Variants in NDST4 observed in about 807,000 individuals in gnomAD.
NDST4 encodes the protein N-heparan sulfate sulfotransferase 4.
Under a neutral mutation model 100.8 loss-of-function variants are expected in NDST4, and 63 were observed. The ratio of observed to expected loss-of-function variants is 0.62; its 90% CI spans 0.51 to 0.77. The LOEUF (loss-of-function observed/expected upper bound fraction) is 0.77. NDST4 is among the 30% of genes least tolerant of loss of function. The pLI, the probability that NDST4 is intolerant of heterozygous loss-of-function variation, is 0.00. For missense variants in NDST4, 943 were observed against 1,018.4 expected (o/e 0.93, Z 1.01); for synonymous variants, 377 against 361.8 (o/e 1.04, Z -0.48).
intron 6 of NDST4, among the ~76,000 whole-genome samples, chr4:114,906,078 C>A (rs569294049): frequency 1.3e-5 from 2 of 151,754 alleles, no homozygotes; most frequent in Admixed American, 6.6e-5. Context: ...AAATGATGAA[C>A]CTTGGGATCA....
chr4:115,031,236 G>C (rs1484346943), intron 2 of NDST4, among the ~76,000 whole-genome samples: 1 of 152,064 alleles, frequency 6.6e-6, no homozygotes, highest in African/African-American at 2.4e-5. Flanking sequence ...ACCTGTTGTT[G>C]TTGTTGTCAT....
At chr4:114,882,009 G>A (rs1190437033) in intron 6 of NDST4, among the ~76,000 whole-genome samples, 52 of 151,884 alleles carry the variant, frequency 3.4e-4, no homozygotes, top group Admixed American at 3.4e-3. Flanking sequence ...AATGTCAAGG[G>A]AGTATTCTGA....
At chr4:114,883,460 T>A (rs539141820) in intron 6 of NDST4, among the ~76,000 whole-genome samples, 1 of 152,032 alleles carries the variant, frequency 6.6e-6, no homozygotes, top group Non-Finnish European at 1.5e-5. Context: ...GAATATATAA[T>A]TGATGTGCTA....
intron 2 of NDST4, among the ~76,000 whole-genome samples, chr4:115,075,063 A>G (rs1729151271): frequency 6.6e-6 from 1 of 152,110 alleles, no homozygotes. Flanking sequence ...TTTAGTAGCA[A>G]TCACAGGCTG....
At chr4:114,848,431 A>T in intron 8 of NDST4, 93 bp from the exon 9 acceptor site, 1 of 991,312 alleles carries the variant, frequency 1.0e-6, no homozygotes, top group Non-Finnish European at 1.5e-6. Context: ...TATTAAAATA[A>T]TCAACTATTT....
chr4:115,037,647 C>A (rs1389263901), intron 2 of NDST4, among the ~76,000 whole-genome samples: 1 of 152,014 alleles, frequency 6.6e-6, no homozygotes, highest in African/African-American at 2.4e-5. Flanking sequence ...CATCCAGAAT[C>A]TTGTAAATGT....
intron 2 of NDST4, among the ~76,000 whole-genome samples, chr4:115,004,944 T>C (rs1414353571): frequency 6.6e-6 from 1 of 152,196 alleles, no homozygotes; most frequent in Non-Finnish European, 1.5e-5. Context: ...TTTTCAACAT[T>C]CATGATAGGA....
intron 2 of NDST4, among the ~76,000 whole-genome samples, chr4:115,042,613 T>TATTATAC (rs1728374962): frequency 6.6e-6 from 1 of 152,078 alleles, no homozygotes; most frequent in African/African-American, 2.4e-5. Context: ...ATTATACGCA[T>TATTATAC]GTATGTATGT....
At chr4:115,020,731 A>G (rs935200987) in intron 2 of NDST4, among the ~76,000 whole-genome samples, 1 of 152,034 alleles carries the variant, frequency 6.6e-6, no homozygotes, top group African/African-American at 2.4e-5. Context: ...AAAACAAAAA[A>G]TCCCTTAAAA....
chr4:114,910,983 AT>A (rs1725050280), intron 6 of NDST4, among the ~76,000 whole-genome samples: 1 of 152,108 alleles, frequency 6.6e-6, no homozygotes, highest in African/African-American at 2.4e-5. Flanking sequence ...TAGCCTCCTA[AT>A]TGGTATCTTT....
At chr4:114,994,715 CA>C (rs1560849474) in intron 2 of NDST4, among the ~76,000 whole-genome samples, 1 of 151,928 alleles carries the variant, frequency 6.6e-6, no homozygotes, top group Non-Finnish European at 1.5e-5. Flanking sequence ...GATGATGATA[CA>C]ACAAGAATAA....
At chr4:114,866,619 A>C (rs770833320) in intron 7 of NDST4, among the ~76,000 whole-genome samples, 1 of 152,158 alleles carries the variant, frequency 6.6e-6, no homozygotes, top group Non-Finnish European at 1.5e-5. Flanking sequence ...TCCAGGGTGC[A>C]AATATGAACC....
intron 4 of NDST4, among the ~76,000 whole-genome samples, chr4:114,947,618 T>A (rs894791881): frequency 6.6e-6 from 1 of 152,140 alleles, no homozygotes; most frequent in South Asian, 2.1e-4. Context: ...AAGAATGGTA[T>A]TATCCAGCCC....
intron 6 of NDST4, among the ~76,000 whole-genome samples, chr4:114,902,656 T>C (rs1398310600): frequency 3.3e-5 from 5 of 152,054 alleles, no homozygotes; most frequent in African/African-American, 9.6e-5. Context: ...CAAATACTTA[T>C]TCTCTTCGTT....
At chr4:114,989,162 G>A (rs1578435331) in intron 2 of NDST4, among the ~76,000 whole-genome samples, 1 of 152,178 alleles carries the variant, frequency 6.6e-6, no homozygotes, top group South Asian at 2.1e-4. Flanking sequence ...TTCTGTAGAT[G>A]AAGGGAAGCT....
Position 115,031,130 on chromosome 4 carries a change from C to T in NDST4, c.978+44929G>A, listed in dbSNP as rs143395600. ...TATTCCCTTTAAAAACTGATTTGAT[C>T]GCCTATCTGATTTAATACACATCTT... On this transcript the variant is annotated intron_variant, in intron 2 of 13. Transcript: ENST00000264363. Among the ~76,000 whole-genome samples the T allele has an allele frequency of 9.4e-3, 1,424 of 152,108 alleles. 7 individuals are homozygous for T. Among genetic ancestry groups the T allele is most frequent in the Non-Finnish European group, 0.015 (1,013 of 67,962 alleles).
intron 2 of NDST4, among the ~76,000 whole-genome samples, chr4:115,062,792 T>C (rs1728852413): frequency 6.6e-6 from 1 of 151,834 alleles, no homozygotes; most frequent in Non-Finnish European, 1.5e-5. Flanking sequence ...AATACCAACA[T>C]TGGAGATAGT....
At chr4:114,954,389 A>C (rs1726089604) in intron 4 of NDST4, among the ~76,000 whole-genome samples, 1 of 152,182 alleles carries the variant, frequency 6.6e-6, no homozygotes. Context: ...ATGAGGCTTA[A>C]ATGTAAAAGC....
At chr4:115,069,702 C>A (rs189431841) in intron 2 of NDST4, among the ~76,000 whole-genome samples, 2 of 152,014 alleles carry the variant, frequency 1.3e-5, no homozygotes, top group Admixed American at 6.6e-5. Flanking sequence ...TCAAGACCAG[C>A]CCAGCCAACA....
Sources: allele counts gnomAD v4.1 joint callset (sites outside exome capture counted in the v4.1 genomes callset), GRCh38; gene constraint gnomAD v4.1.1; transcripts MANE v1.5; gene names NCBI Gene and HGNC (gene_info 2026-07-23, HGNC 2026-07-21).